KHDRBS2: variants seen among roughly 807,000 people sequenced by gnomAD.
KHDRBS2 encodes KH domain-containing, RNA-binding, signal transduction-associated protein 2.
KHDRBS2 carries 26 observed loss-of-function variants against 44.3 expected under a neutral mutation model. That is an observed-to-expected ratio of 0.59 (90% CI 0.43 to 0.81). The LOEUF (loss-of-function observed/expected upper bound fraction) is 0.81. Ranked by LOEUF, KHDRBS2 falls within the 40% of genes least tolerant of loss-of-function variation. The pLI, the probability that KHDRBS2 is intolerant of heterozygous loss-of-function variation, is 0.00. For synonymous variants in KHDRBS2, 194 were observed against 151.1 expected, an observed-to-expected ratio of 1.28 and a Z score of -2.08; for missense variants, 476 against 433.1, an observed-to-expected ratio of 1.10 and a Z score of -0.88.
At chr6:62,161,358 A>C (rs1321770700) in intron 2 of KHDRBS2, among the ~76,000 whole-genome samples, 2 of 151,466 alleles carry the variant, frequency 1.3e-5, no homozygotes, top group African/African-American at 4.8e-5. Flanking sequence ...AAATTGAAAA[A>C]ATAAAATATA....
intron 5 of KHDRBS2, among the ~76,000 whole-genome samples, chr6:61,897,255 T>G: frequency 6.6e-6 from 1 of 152,094 alleles, no homozygotes; most frequent in South Asian, 2.1e-4. Context: ...TCCCAGTGAT[T>G]CCAAAATACA....
Position 62,000,897 on chromosome 6 carries a change from G to A in KHDRBS2, c.337-22685C>T, listed in dbSNP as rs554336217. Among the ~76,000 whole-genome samples, 16 of 152,262 alleles carry A rather than the reference G, an allele frequency of 1.1e-4. No individual in the cohort carries two copies. In the South Asian group the frequency reaches 3.3e-3, roughly 32 times the overall value. On this transcript the variant is annotated intron_variant, in intron 3 of 8. Coordinates refer to ENST00000281156, the MANE Select transcript of KHDRBS2 (RefSeq NM_152688.4). ...CAAAGTTGGCTATTATGAAAAATTAGTACTATTAAATCAGTCAAAAATTCA... is the reference window on the plus strand; with the variant it reads ...CAAAGTTGGCTATTATGAAAAATTAATACTATTAAATCAGTCAAAAATTCA...
chr6:61,761,198 T>C (rs1325162443), intron 6 of KHDRBS2, among the ~76,000 whole-genome samples: 1 of 152,184 alleles, frequency 6.6e-6, no homozygotes, highest in Non-Finnish European at 1.5e-5. Flanking sequence ...GCCTGTCTGA[T>C]GCAAATCAGG....
chr6:61,651,190 A>G, the KHDRBS2 span, among the ~76,000 whole-genome samples: 1 of 152,156 alleles, frequency 6.6e-6, no homozygotes, highest in Non-Finnish European at 1.5e-5. Context: ...ATGCTAAAAC[A>G]AAGCCTATGA....
At chr6:62,097,569 T>G (rs1050134884) in intron 2 of KHDRBS2, among the ~76,000 whole-genome samples, 1 of 152,068 alleles carries the variant, frequency 6.6e-6, no homozygotes, top group Non-Finnish European at 1.5e-5. Context: ...CAGTTTCCAT[T>G]TCCATGTGTA....
chr6:61,599,100 A>C, the KHDRBS2 span, among the ~76,000 whole-genome samples: 1 of 151,664 alleles, frequency 6.6e-6, no homozygotes, highest in Non-Finnish European at 1.5e-5. Flanking sequence ...CGTCCAGCTA[A>C]TTTTTTGTAT....
intron 6 of KHDRBS2, among the ~76,000 whole-genome samples, chr6:61,885,671 T>C (rs1482301763): frequency 6.6e-6 from 1 of 152,184 alleles, no homozygotes; most frequent in African/African-American, 2.4e-5. Context: ...CAGATAGTCA[T>C]GCCCACTCTA....
chr6:62,074,576 TACTA>T (rs1795953815), intron 2 of KHDRBS2, among the ~76,000 whole-genome samples: 1 of 151,926 alleles, frequency 6.6e-6, no homozygotes, highest in Admixed American at 6.6e-5. Context: ...TACATATTTA[TACTA>T]ACTTTTATTT....
chr6:62,278,216 A>G (rs1334032617), intron 1 of KHDRBS2, among the ~76,000 whole-genome samples: 1 of 152,248 alleles, frequency 6.6e-6, no homozygotes, highest in Non-Finnish European at 1.5e-5. Flanking sequence ...AATATAGCCA[A>G]ACCAAAAAGA....
At chr6:62,234,740 T>C (rs1833433575) in intron 1 of KHDRBS2, among the ~76,000 whole-genome samples, 1 of 151,674 alleles carries the variant, frequency 6.6e-6, no homozygotes, top group African/African-American at 2.4e-5. Flanking sequence ...ACCATAGGAG[T>C]ACTTGAAAAG....
chr6:61,607,543 A>G, the KHDRBS2 span, among the ~76,000 whole-genome samples: 1 of 148,550 alleles, frequency 6.7e-6, no homozygotes, highest in Non-Finnish European at 1.5e-5. Context: ...AAAAAAAAAA[A>G]AAGATGTGTG....
chr6:61,755,422 C>G (rs903747915), intron 6 of KHDRBS2, among the ~76,000 whole-genome samples: 4 of 152,050 alleles, frequency 2.6e-5, no homozygotes, highest in Non-Finnish European at 4.4e-5. Flanking sequence ...TTCATCAAAA[C>G]TAGTCTGCAG....
At chr6:62,032,250 G>A (rs1226943477) in intron 3 of KHDRBS2, among the ~76,000 whole-genome samples, 2 of 151,984 alleles carry the variant, frequency 1.3e-5, no homozygotes, top group Admixed American at 6.6e-5. Context: ...TCAGTGGGGG[G>A]AAAGGCAGAC....
In KHDRBS2 at chr6:62,035,250, C is replaced by A. The variant is rs78637947; in HGVS notation, c.336+12628G>T. ...AATTCCAAGCAACCTATGTGTCCAC[C>A]ACCAGAGGAATGGATAAAGAAAATG... On this transcript the variant is annotated intron_variant, in intron 3 of 8. Coordinates refer to ENST00000281156, the MANE Select transcript of KHDRBS2 (RefSeq NM_152688.4). Among the ~76,000 whole-genome samples the A allele has an allele frequency of 5.5e-4, 84 of 152,054 alleles. 1 individual carries two copies. Among genetic ancestry groups the A allele is most frequent in the African/African-American group, 2.0e-3 (83 of 41,512 alleles).
At chr6:61,667,216 G>A in the KHDRBS2 span, among the ~76,000 whole-genome samples, 1 of 149,678 alleles carries the variant, frequency 6.7e-6, no homozygotes, top group Non-Finnish European at 1.5e-5. Context: ...TTTTTATCTA[G>A]TGGTAGAATA....
At chr6:61,967,087 T>A (rs1770143881) in intron 4 of KHDRBS2, among the ~76,000 whole-genome samples, 1 of 151,686 alleles carries the variant, frequency 6.6e-6, no homozygotes, top group Non-Finnish European at 1.5e-5. Flanking sequence ...TCCTTTATAA[T>A]TTTAAAATTA....
At chr6:62,071,962 C>T (rs919630961) in intron 2 of KHDRBS2, among the ~76,000 whole-genome samples, 3 of 152,080 alleles carry the variant, frequency 2.0e-5, no homozygotes, top group African/African-American at 7.2e-5. Context: ...ATTGATTCTT[C>T]CTACCCATGA....
At chr6:61,933,666 G>A (rs1393107622) in intron 4 of KHDRBS2, among the ~76,000 whole-genome samples, 2 of 152,056 alleles carry the variant, frequency 1.3e-5, no homozygotes, top group East Asian at 1.9e-4. Context: ...TATTGAAAAC[G>A]GTAGGCAACT....
intron 1 of KHDRBS2, 137 bp from the exon 2 acceptor site, chr6:62,177,449 C>T (rs1585076213): frequency 3.1e-6 from 2 of 645,904 alleles, no homozygotes; most frequent in East Asian, 2.9e-5. Context: ...TGATAAAAGG[C>T]CTGAAACAGC....
Sources: allele counts gnomAD v4.1 joint callset (sites outside exome capture counted in the v4.1 genomes callset), GRCh38; gene constraint gnomAD v4.1.1; transcripts MANE v1.5; gene names NCBI Gene and HGNC (gene_info 2026-07-23, HGNC 2026-07-21).